Variants in SLC71A2 observed in about 807,000 individuals in gnomAD.
SLC71A2 encodes the protein solute carrier family 71 member 2.
At chr9:94,456,377 G>A in the SLC71A2 span, 1 of 1,517,212 alleles carries the variant, frequency 6.6e-7, no homozygotes, top group Non-Finnish European at 9.2e-7. Context: ...TCCTTCAACG[G>A]GAGACCTCCC....
the SLC71A2 span, among the ~76,000 whole-genome samples, chr9:94,450,507 T>TTTTTTTTTTTTC: frequency 1.5e-5 from 2 of 137,208 alleles, no homozygotes; most frequent in African/African-American, 3.0e-5. Flanking sequence ...TTTTTTTTTT[T>TTTTTTTTTTTTC]GAGATGGAGT....
chr9:94,408,582 G>A, the SLC71A2 span, among the ~76,000 whole-genome samples: 1,157 of 151,716 alleles, frequency 7.6e-3, 18 homozygotes, highest in African/African-American at 0.027. Flanking sequence ...TTCATTTTTA[G>A]TAGGTTATGT....
chr9:94,438,199 A>C, the SLC71A2 span, among the ~76,000 whole-genome samples: 1 of 152,166 alleles, frequency 6.6e-6, no homozygotes, highest in Non-Finnish European at 1.5e-5. Flanking sequence ...CGGCCTTCCA[A>C]AGTGCTGGGA....
the SLC71A2 span, among the ~76,000 whole-genome samples, chr9:94,425,877 T>C: frequency 6.6e-6 from 1 of 152,150 alleles, no homozygotes; most frequent in South Asian, 2.1e-4. Flanking sequence ...GCTTGGAGGT[T>C]AGAAGTAAGA....
chr9:94,453,435 A>G, the SLC71A2 span, among the ~76,000 whole-genome samples: 1 of 152,182 alleles, frequency 6.6e-6, no homozygotes, highest in South Asian at 2.1e-4. Context: ...GGCATGAGCC[A>G]CCACACCCGG....
At chr9:94,395,388 G>A in the SLC71A2 span, among the ~76,000 whole-genome samples, 1 of 151,562 alleles carries the variant, frequency 6.6e-6, no homozygotes, top group East Asian at 1.9e-4. Flanking sequence ...AAATAAGTTA[G>A]CATTGTGCAA....
At chr9:94,423,267 T>C in the SLC71A2 span, among the ~76,000 whole-genome samples, 71 of 34,002 alleles carry the variant, frequency 2.1e-3, no homozygotes, top group East Asian at 2.8e-3. Context: ...CTCTCTCTCT[T>C]TTTTTTTTTT....
chr9:94,450,531 C>G, the SLC71A2 span, among the ~76,000 whole-genome samples: 3 of 104,946 alleles, frequency 2.9e-5, no homozygotes, highest in Non-Finnish European at 5.3e-5. Flanking sequence ...ACTTTGTCGC[C>G]CAGGCTGGAA....
chr9:94,409,129 C>CTTTTTTT, the SLC71A2 span, among the ~76,000 whole-genome samples: 3,368 of 68,224 alleles, frequency 0.049, 423 homozygotes, highest in Non-Finnish European at 0.069. Context: ...GCCCGGCCTC[C>CTTTTTTT]TTTTTTTTTT....
chr9:94,394,457 T>C, the SLC71A2 span, among the ~76,000 whole-genome samples: 2 of 102,586 alleles, frequency 1.9e-5, no homozygotes, highest in African/African-American at 5.3e-5. Flanking sequence ...AGAATTTTTT[T>C]TTTTTTTCAA....
chr9:94,406,979 T>C, the SLC71A2 span, among the ~76,000 whole-genome samples: 2 of 152,214 alleles, frequency 1.3e-5, no homozygotes, highest in African/African-American at 2.4e-5. Context: ...ATCTTTGTCT[T>C]GTTTCTGATC....
the SLC71A2 span, among the ~76,000 whole-genome samples, chr9:94,433,791 C>G: frequency 6.6e-6 from 1 of 152,052 alleles, no homozygotes; most frequent in Non-Finnish European, 1.5e-5. Flanking sequence ...ACATTTATTA[C>G]TTACATCAGA....
At chr9:94,438,606 T>A in the SLC71A2 span, 2 of 1,573,574 alleles carry the variant, frequency 1.3e-6, no homozygotes, top group Non-Finnish European at 1.7e-6. Flanking sequence ...GCAGAGCACT[T>A]CTTAACTATT....
chr9:94,444,041 G>A, the SLC71A2 span, among the ~76,000 whole-genome samples: 2 of 152,012 alleles, frequency 1.3e-5, no homozygotes, highest in Non-Finnish European at 2.9e-5. Context: ...TTTTAATTCA[G>A]TTGGGAGATG....
At chr9:94,452,850 C>T in the SLC71A2 span, among the ~76,000 whole-genome samples, 1 of 151,350 alleles carries the variant, frequency 6.6e-6, no homozygotes, top group African/African-American at 2.4e-5. Context: ...AGCATATTGT[C>T]CTTAAATTAA....
the SLC71A2 span, chr9:94,374,963 C>G: frequency 7.2e-6 from 9 of 1,244,862 alleles, no homozygotes; most frequent in Non-Finnish European, 9.1e-6. Flanking sequence ...GCCTGAATCC[C>G]GGGGAGGCTG....
the SLC71A2 span, among the ~76,000 whole-genome samples, chr9:94,390,856 C>T: frequency 6.6e-6 from 1 of 152,044 alleles, no homozygotes; most frequent in Non-Finnish European, 1.5e-5. Flanking sequence ...TTAGGAGTAC[C>T]TCAATTCAAA....
the SLC71A2 span, among the ~76,000 whole-genome samples, chr9:94,375,220 A>G: frequency 6.6e-6 from 1 of 151,904 alleles, no homozygotes; most frequent in Admixed American, 6.5e-5. Context: ...ACAGTTGATA[A>G]CAGTTTTCCT....
the SLC71A2 span, among the ~76,000 whole-genome samples, chr9:94,419,559 C>T: frequency 2.8e-4 from 43 of 152,292 alleles, no homozygotes; most frequent in African/African-American, 1.0e-3. Context: ...CCCACCTCGG[C>T]CTCCCAAAGT....
Sources: allele counts gnomAD v4.1 joint callset (sites outside exome capture counted in the v4.1 genomes callset), GRCh38; gene constraint gnomAD v4.1.1; transcripts MANE v1.5; gene names NCBI Gene and HGNC (gene_info 2026-07-23, HGNC 2026-07-21).